NAALADL2: variants seen among roughly 807,000 people sequenced by gnomAD.
NAALADL2 encodes the protein N-acetylated alpha-linked acidic dipeptidase like 2.
In NAALADL2, 76 loss-of-function variants were observed where a neutral mutation model predicts 87.2. The observed-to-expected ratio is 0.87, with a 90% CI of 0.72 to 1.05. NAALADL2 has a LOEUF of 1.05. Ranked by LOEUF, NAALADL2 falls within the 50% of genes least tolerant of loss-of-function variation. NAALADL2 has a pLI of 0.00. For missense variants in NAALADL2, 1,089 were observed against 945.8 expected (o/e 1.15, Z -1.99); for synonymous variants, 354 against 331.0 (o/e 1.07, Z -0.75).
In NAALADL2 at chr3:175,663,146, T is replaced by TTTTTATTTTA. The variant is rs537931566; in HGVS notation, c.1896+35781_1896+35790dup. On this transcript the variant is annotated intron_variant, in intron 11 of 13. Transcript: ENST00000454872. ...GTATACATTAGCTCCTGGGCTTGCT[T>TTTTTATTTTA]TTTTATTTTATTTTATTTTATTTTA... 8.6e-3 allele frequency among the ~76,000 whole-genome samples: 1,295 copies of TTTTTATTTTA among 151,318 alleles called. 34 individuals carry two copies. Among genetic ancestry groups the TTTTTATTTTA allele is most frequent in the East Asian group, 0.049 (252 of 5,142 alleles).
intron 3 of NAALADL2, among the ~76,000 whole-genome samples, chr3:175,239,742 G>T (rs1581067304): frequency 6.6e-6 from 1 of 152,142 alleles, no homozygotes; most frequent in Admixed American, 6.5e-5. Context: ...TAGTTCAACA[G>T]CCCAGACTAG....
chr3:175,183,752 T>C (rs995157824), intron 2 of NAALADL2, among the ~76,000 whole-genome samples: 3 of 152,098 alleles, frequency 2.0e-5, no homozygotes, highest in Admixed American at 2.0e-4. Context: ...TTGAGGACAT[T>C]TGCATCTATG....
intron 9 of NAALADL2, among the ~76,000 whole-genome samples, chr3:175,574,938 A>G (rs1401397988): frequency 6.6e-6 from 1 of 152,078 alleles, no homozygotes; most frequent in Non-Finnish European, 1.5e-5. Context: ...TGTCCGGGAG[A>G]TTGCTATTCT....
At chr3:175,327,177 A>G (rs1447213398) in intron 5 of NAALADL2, among the ~76,000 whole-genome samples, 1 of 96,646 alleles carries the variant, frequency 1.0e-5, no homozygotes, top group Non-Finnish European at 1.8e-5. Context: ...TTTTTCTGAG[A>G]TGGAGTCTCG....
chr3:175,770,947 A>G (rs1019122776), intron 13 of NAALADL2, among the ~76,000 whole-genome samples: 10 of 152,212 alleles, frequency 6.6e-5, no homozygotes, highest in Non-Finnish European at 1.3e-4. Context: ...GAACAACTAA[A>G]GAATAGAAAT....
chr3:175,718,596 G>A (rs1348599636), intron 11 of NAALADL2: 1 of 1,593,724 alleles, frequency 6.3e-7, no homozygotes, highest in Non-Finnish European at 8.6e-7. Flanking sequence ...ACTCCTTTCT[G>A]GCCTTCTTCG....
At chr3:174,746,573 A>C (rs1186391366) in intron 3 of NAALADL2, among the ~76,000 whole-genome samples, 1 of 152,184 alleles carries the variant, frequency 6.6e-6, no homozygotes, top group African/African-American at 2.4e-5. Flanking sequence ...AGAATTAGAA[A>C]AAAAAAGCTT....
intron 3 of NAALADL2, among the ~76,000 whole-genome samples, chr3:174,838,362 C>T (rs1463836872): frequency 3.3e-5 from 5 of 152,068 alleles, no homozygotes; most frequent in Non-Finnish European, 7.4e-5. Context: ...TAGAAGCCAC[C>T]TATGACAGAC....
chr3:175,496,556 G>T (rs1336273063), intron 9 of NAALADL2, among the ~76,000 whole-genome samples: 1 of 151,954 alleles, frequency 6.6e-6, no homozygotes, highest in African/African-American at 2.4e-5. Context: ...ATTTTGTTGT[G>T]GTGGTGGTTC....
intron 3 of NAALADL2, among the ~76,000 whole-genome samples, chr3:174,745,620 G>A (rs1578761637): frequency 1.3e-5 from 2 of 152,142 alleles, no homozygotes; most frequent in East Asian, 3.9e-4. Flanking sequence ...TCAAAACCTG[G>A]TAGAGATACA....
intron 1 of NAALADL2, among the ~76,000 whole-genome samples, chr3:174,943,767 C>A (rs955798053): frequency 6.6e-6 from 1 of 152,154 alleles, no homozygotes; most frequent in African/African-American, 2.4e-5. Context: ...GGGAGATTGA[C>A]TGGCCTCTTC....
At chr3:174,579,023 C>T (rs1469860148) in intron 2 of NAALADL2, among the ~76,000 whole-genome samples, 1 of 151,828 alleles carries the variant, frequency 6.6e-6, no homozygotes, top group African/African-American at 2.4e-5. Context: ...AATCAATTGT[C>T]AGGGAAATAA....
chr3:175,012,076 C>G (rs2108809720), intron 1 of NAALADL2, among the ~76,000 whole-genome samples: 1 of 152,290 alleles, frequency 6.6e-6, no homozygotes, highest in East Asian at 1.9e-4. Context: ...TGCTGAGTTT[C>G]TCCAAGCAAA....
At chr3:174,537,070 G>A (rs1721788719) in intron 1 of NAALADL2, among the ~76,000 whole-genome samples, 1 of 152,090 alleles carries the variant, frequency 6.6e-6, no homozygotes, top group South Asian at 2.1e-4. Context: ...CACATTCATT[G>A]TTGCCATCAC....
chr3:174,530,941 A>G (rs1222348219), intron 1 of NAALADL2, among the ~76,000 whole-genome samples: 1 of 152,248 alleles, frequency 6.6e-6, no homozygotes, highest in African/African-American at 2.4e-5. Context: ...TGATCAGTTT[A>G]TTTTGTGAAA....
In NAALADL2 at chr3:175,809,511, TAAAA is replaced by T. The variant is rs1297830446; in HGVS notation, c.*6333_*6336del. On this transcript the variant is annotated 3_prime_UTR_variant, in exon 14 of 14. Transcript: ENST00000454872. ...CAACAAAGTGAGACCCTGTCTCTCT[TAAAA>T]AAAAAAAAAAAAAAAAAAAAAAAAG... The T allele has an allele frequency of 6.3e-5, 2 of 31,506 alleles. No individual in the cohort carries two copies. The highest frequency in any genetic ancestry group is 2.6e-4 in the African/African-American group (2 of 7,584). 2.0% of individuals were successfully genotyped at this position (31,506 alleles called of 1,614,324 possible).
rs71300440 is a variant in NAALADL2 at position 174,787,576 on chromosome 3, CATATATATATATAT to C, written c.-9+49862_-9+49875del. Among the ~76,000 whole-genome samples the C allele has an allele frequency of 3.7e-3, 55 of 14,734 alleles. 4 individuals are homozygous for C. The highest frequency in any genetic ancestry group is 5.6e-3 in the African/African-American group (31 of 5,556). 9.7% of individuals were successfully genotyped at this position (14,734 alleles called of 152,430 possible). Reference sequence around the variant, plus strand: ...TTAATAGAAGAAGGCAATATATCATCATATATATATATATATATATATATATATATATATATATA... The same window carrying C: ...TTAATAGAAGAAGGCAATATATCATCATATATATATATATATATATATATA... On this transcript the variant is annotated intron_variant, in intron 3 of 3. Coordinates refer to the NAALADL2 transcript ENST00000434257.
At chr3:174,824,355 C>T (rs1446336149) in intron 3 of NAALADL2, among the ~76,000 whole-genome samples, 4 of 152,156 alleles carry the variant, frequency 2.6e-5, no homozygotes, top group Non-Finnish European at 4.4e-5. Context: ...TAGAATGCGA[C>T]TGATAATTCA....
chr3:175,770,799 T>G (rs1931156), intron 13 of NAALADL2, among the ~76,000 whole-genome samples: 1 of 152,020 alleles, frequency 6.6e-6, no homozygotes, highest in Non-Finnish European at 1.5e-5. Context: ...GTAGCCTTGT[T>G]AGACACAAAA....
Sources: allele counts gnomAD v4.1 joint callset (sites outside exome capture counted in the v4.1 genomes callset), GRCh38; gene constraint gnomAD v4.1.1; transcripts MANE v1.5; gene names NCBI Gene and HGNC (gene_info 2026-07-23, HGNC 2026-07-21).